Variants in WDR25 observed in about 807,000 individuals in gnomAD.
The protein encoded by WDR25 is WD repeat-containing protein 25.
In WDR25, 35 loss-of-function variants were observed where a neutral mutation model predicts 47.7. That is an observed-to-expected ratio of 0.73 (90% CI 0.56 to 0.97). The LOEUF is 0.97. Among genes scored for constraint, WDR25 ranks in the 50% least tolerant of loss-of-function variants. The pLI is 0.00. For synonymous variants in WDR25, 248 were observed against 278.9 expected (o/e 0.89, Z 1.10); for missense variants, 634 against 704.7 (o/e 0.90, Z 1.14).
At chr14:100,495,094 C>T (rs7154961) in intron 4 of WDR25, among the ~76,000 whole-genome samples, 5,133 of 152,314 alleles carry the variant, frequency 0.034, 286 homozygotes, top group African/African-American at 0.12. Flanking sequence ...TGGTGGCTCA[C>T]GCCTGTAATC....
chr14:100,526,481 C>A (rs2030145163), intron 5 of WDR25, among the ~76,000 whole-genome samples: 2 of 152,096 alleles, frequency 1.3e-5, no homozygotes, highest in Admixed American at 1.3e-4. Context: ...TTCACTAGGA[C>A]CTTATAAGGC....
In WDR25 at chr14:100,381,633, A is replaced by G. The variant is rs200744574; in HGVS notation, c.709A>G (p.Lys237Glu). Residue 237 changes from lysine (K) to glutamate (E), a missense_variant, in exon 2 of 7, where the codon AAA becomes GAA. Physicochemically the swap from Lys to Glu is moderately conservative, Grantham distance 56. Coordinates refer to ENST00000402312, the MANE Select transcript of WDR25 (RefSeq NM_001161476.3). The part of the protein sequence containing the change: ...SHYKETTVPR[K>E]VLFHLRGHRG... ...TTATAAAGAAACCACAGTTCCCCGG[A>G]AAGTGCTTTTCCACCTGAGAGGCCA... 6.2e-7 allele frequency: 1 copy of G among 1,614,108 alleles called. No individual in the cohort carries two copies. The highest frequency in any genetic ancestry group is 1.3e-5 in the African/African-American group (1 of 75,022).
chr14:100,390,827 C>T (rs1418917540), intron 2 of WDR25, among the ~76,000 whole-genome samples: 1 of 152,192 alleles, frequency 6.6e-6, no homozygotes, highest in Non-Finnish European at 1.5e-5. Context: ...CGTCTTCTCA[C>T]CCTCCACAGC....
At chr14:100,520,864 A>G (rs1384164569) in intron 4 of WDR25, among the ~76,000 whole-genome samples, 1 of 152,204 alleles carries the variant, frequency 6.6e-6, no homozygotes, top group Non-Finnish European at 1.5e-5. Flanking sequence ...AGACTGAAGA[A>G]CAGACGGAAG....
At chr14:100,516,110 T>A (rs1400616855) in intron 4 of WDR25, among the ~76,000 whole-genome samples, 1 of 152,214 alleles carries the variant, frequency 6.6e-6, no homozygotes, top group African/African-American at 2.4e-5. Context: ...TTTGTTGTGC[T>A]TTACATATTT....
chr14:100,480,043 G>T (rs937955774), intron 3 of WDR25, among the ~76,000 whole-genome samples: 7 of 152,188 alleles, frequency 4.6e-5, no homozygotes, highest in Admixed American at 4.6e-4. Context: ...AAAGGTCGGG[G>T]ACTGCTTCGT....
intron 2 of WDR25, among the ~76,000 whole-genome samples, chr14:100,465,139 A>G: frequency 6.6e-6 from 1 of 151,736 alleles, no homozygotes; most frequent in East Asian, 1.9e-4. Flanking sequence ...AAATTCACGT[A>G]TAAATGAGAT....
intron 2 of WDR25, among the ~76,000 whole-genome samples, chr14:100,422,133 C>T (rs139670645): frequency 2.6e-5 from 4 of 152,326 alleles, no homozygotes; most frequent in African/African-American, 9.6e-5. Flanking sequence ...GTGTGGGCAG[C>T]TCATCTCTGC....
chr14:100,510,834 T>C (rs528544087), intron 4 of WDR25, among the ~76,000 whole-genome samples: 1 of 151,804 alleles, frequency 6.6e-6, no homozygotes, highest in South Asian at 2.1e-4. Context: ...AACTCCTGGC[T>C]TCAAGTGATC....
At chr14:100,465,173 T>C (rs911397311) in intron 2 of WDR25, among the ~76,000 whole-genome samples, 2 of 151,992 alleles carry the variant, frequency 1.3e-5, no homozygotes, top group Admixed American at 1.3e-4. Flanking sequence ...TCTTTGTGTG[T>C]GTGTGTGTAT....
chr14:100,450,509 C>G (rs976994511), intron 2 of WDR25, among the ~76,000 whole-genome samples: 1 of 152,222 alleles, frequency 6.6e-6, no homozygotes, highest in Non-Finnish European at 1.5e-5. Flanking sequence ...CAGCAGTGAG[C>G]AAATTTCTTG....
chr14:100,415,383 C>T (rs537637620), intron 2 of WDR25, among the ~76,000 whole-genome samples: 22 of 152,200 alleles, frequency 1.4e-4, no homozygotes, highest in African/African-American at 3.6e-4. Context: ...GCATGCTGGT[C>T]GTATGTGCAC....
chr14:100,468,305 G>C lies in WDR25; in HGVS notation c.970+137G>C. 1 of 1,302,602 alleles carries C rather than the reference G, an allele frequency of 7.7e-7. No individual in the cohort carries two copies. 80.7% of individuals were successfully genotyped at this position (1,302,602 alleles called of 1,614,324 possible). A position where few individuals can be genotyped will look rare whatever the true frequency, so the allele number is the denominator to read the frequency against. ...GGGGCCTCAGGGTGGGCTCGTGCTC[G>C]GTGAGAGGGCTTCCAGACTGCTTGC... is the stretch of plus-strand genomic sequence containing the variant. On this transcript the variant is annotated intron_variant, in intron 3 of 6. Coordinates refer to ENST00000402312, the MANE Select transcript of WDR25 (RefSeq NM_001161476.3). The surrounding 1 kb of genome is among the most constrained non-coding windows in gnomAD (Gnocchi z 4.5).
chr14:100,510,697 T>C (rs1213516241), intron 4 of WDR25, among the ~76,000 whole-genome samples: 4 of 149,330 alleles, frequency 2.7e-5, no homozygotes, highest in East Asian at 2.0e-4. Flanking sequence ...GATCGCGTCA[T>C]TGCACTCCAG....
intron 2 of WDR25, among the ~76,000 whole-genome samples, chr14:100,410,299 G>T (rs1358442258): frequency 6.6e-6 from 1 of 152,164 alleles, no homozygotes; most frequent in African/African-American, 2.4e-5. Context: ...TATGCGTCAA[G>T]GGCCTCCCAG....
At chr14:100,416,316 A>G (rs1311809477) in intron 2 of WDR25, among the ~76,000 whole-genome samples, 1 of 152,132 alleles carries the variant, frequency 6.6e-6, no homozygotes, top group African/African-American at 2.4e-5. Flanking sequence ...CTGCTGTTGT[A>G]ATTTCTATTA....
rs573996259 is a variant in WDR25, at chr14:100,516,715, TA to T, written c.1102-9154del. On this transcript the variant is annotated intron_variant, in intron 4 of 6. Transcript: ENST00000402312. ...TCATTTGGTTATTTTTAATATGGTA[TA>T]TTTTTTTATCCTTTTACTTATAAGC... Among the ~76,000 whole-genome samples, 79 of 152,290 alleles carry T rather than the reference TA, an allele frequency of 5.2e-4. 2 individuals carry two copies. The South Asian group carries it at 0.012, about 23-fold the overall frequency.
At chr14:100,521,257 C>T (rs1397999149) in intron 4 of WDR25, among the ~76,000 whole-genome samples, 1 of 151,922 alleles carries the variant, frequency 6.6e-6, no homozygotes, top group African/African-American at 2.4e-5. Context: ...TACATATGGC[C>T]TACAAAACCT....
intron 4 of WDR25, among the ~76,000 whole-genome samples, chr14:100,491,950 C>T (rs1900580800): frequency 1.3e-5 from 2 of 152,214 alleles, no homozygotes. Flanking sequence ...GCTGTCTGTG[C>T]AGGGTAGGCA....
Sources: allele counts gnomAD v4.1 joint callset (sites outside exome capture counted in the v4.1 genomes callset), GRCh38; gene constraint gnomAD v4.1.1; non-coding constraint Gnocchi (gnomAD v3.1); transcripts MANE v1.5; gene names NCBI Gene and HGNC (gene_info 2026-07-23, HGNC 2026-07-21).